The following PREX1 variants were observed in gnomAD, a reference collection of about 807,000 sequenced individuals.
PREX1 encodes the protein phosphatidylinositol-3,4,5-trisphosphate dependent Rac exchange factor 1.
In PREX1, 41 loss-of-function variants were observed where a neutral mutation model predicts 198.3. That is an observed-to-expected ratio of 0.21 (90% CI 0.16 to 0.27). The LOEUF is 0.27. Among genes scored for constraint, PREX1 ranks in the 10% least tolerant of loss-of-function variants. The probability of loss-of-function intolerance (pLI) is 1.00; values close to 1 mark genes in which losing one functional copy is unlikely to be tolerated. For synonymous variants in PREX1, 843 were observed against 887.2 expected, an observed-to-expected ratio of 0.95 and a Z score of 0.89; for missense variants, 1,620 against 2,200.7, an observed-to-expected ratio of 0.74 and a Z score of 5.28.
intron 3 of PREX1, among the ~76,000 whole-genome samples, chr20:48,738,205 G>A (rs919496567): frequency 6.6e-6 from 1 of 152,116 alleles, no homozygotes; most frequent in Non-Finnish European, 1.5e-5. Flanking sequence ...CTGGTGAGGA[G>A]GATTCTGGGG....
At chr20:48,862,790 A>AAAAAATATATAT in the PREX1 span, among the ~76,000 whole-genome samples, 6 of 102,542 alleles carry the variant, frequency 5.9e-5, no homozygotes, top group African/African-American at 1.7e-4. Flanking sequence ...TAAAAAAAAA[A>AAAAAATATATAT]ATATATATAT....
At chr20:48,752,158 G>A (rs943144505) in intron 1 of PREX1, among the ~76,000 whole-genome samples, 2 of 152,154 alleles carry the variant, frequency 1.3e-5, no homozygotes, top group African/African-American at 4.8e-5. Context: ...GTATTAAGTA[G>A]AAAAGGCAGA....
At chr20:48,705,989 G>C (rs543537070) in intron 6 of PREX1, among the ~76,000 whole-genome samples, 1 of 152,278 alleles carries the variant, frequency 6.6e-6, no homozygotes, top group South Asian at 2.1e-4. Flanking sequence ...TGCCTCATCT[G>C]TAAAATGGGG....
intron 1 of PREX1, among the ~76,000 whole-genome samples, chr20:48,749,464 T>C (rs1221349699): frequency 2.0e-5 from 3 of 152,152 alleles, no homozygotes; most frequent in Non-Finnish European, 4.4e-5. Context: ...GGGAGATCTC[T>C]GAGTGCAGGA....
At chr20:48,642,642 C>CA in intron 27 of PREX1, 153 bp from the exon 28 acceptor site, 5 of 642,682 alleles carry the variant, frequency 7.8e-6, no homozygotes, top group Non-Finnish European at 1.1e-5. Context: ...AGCCACAGGG[C>CA]AAATCACCTG....
intron 16 of PREX1, among the ~76,000 whole-genome samples, chr20:48,658,801 A>G (rs549989712): frequency 3.9e-4 from 60 of 152,316 alleles, no homozygotes; most frequent in African/African-American, 1.2e-3. Context: ...GGGGCAGAGA[A>G]GGTGCTATCG....
Position 48,634,714 on chromosome 20 carries a change from G to T in PREX1, c.4229C>A (p.Thr1410Asn). Residue 1410 changes from threonine (T) to asparagine (N), a missense_variant, in exon 33 of 40, where the codon ACC (threonine) becomes AAC (asparagine). Physicochemically the swap from Thr to Asn is moderately conservative, Grantham distance 65 (BLOSUM62 0). This residue lies in a region of PREX1 where 476 missense variants were observed against 603.4 expected (regional missense o/e 0.79). Transcript: ENST00000371941. Reference protein sequence around the residue: ...WVTLSELDNVTFSFKQLDENY... With the variant: ...WVTLSELDNVNFSFKQLDENY... ...CTCGTCCAGCTGCTTAAAGGAGAAG[G>T]TGACATTGTCCAGCTCTGACAGCGT... The T allele has an allele frequency of 1.2e-6, 2 of 1,614,190 alleles. No individual in the cohort carries two copies. The highest frequency in any genetic ancestry group is 1.7e-6 in the Non-Finnish European group (2 of 1,180,030).
intron 1 of PREX1, among the ~76,000 whole-genome samples, chr20:48,760,547 G>A (rs971116009): frequency 6.6e-6 from 1 of 152,062 alleles, no homozygotes; most frequent in African/African-American, 2.4e-5. Context: ...AAGGGGGGGA[G>A]GAGTAGTTGT....
the PREX1 span, among the ~76,000 whole-genome samples, chr20:48,860,484 G>A: frequency 6.6e-6 from 1 of 152,148 alleles, no homozygotes. Context: ...TACTTAACGC[G>A]TCTGAACTGT....
chr20:48,807,874 G>A (rs2090418716), intron 1 of PREX1, among the ~76,000 whole-genome samples: 1 of 152,114 alleles, frequency 6.6e-6, no homozygotes, highest in Non-Finnish European at 1.5e-5. Context: ...GAGCATTCTG[G>A]GCCCAAATGA....
intron 20 of PREX1, among the ~76,000 whole-genome samples, chr20:48,653,096 A>T (rs554128615): frequency 6.6e-6 from 1 of 152,272 alleles, no homozygotes; most frequent in South Asian, 2.1e-4. Context: ...CAACATGCCT[A>T]TGTGGTGAGG....
chr20:48,823,710 G>T (rs976003228), intron 1 of PREX1, among the ~76,000 whole-genome samples: 4 of 152,194 alleles, frequency 2.6e-5, no homozygotes, highest in African/African-American at 7.2e-5. Flanking sequence ...CGCAGGCGGA[G>T]GTGAAACATC....
At chr20:48,689,195 C>A (rs2089803263) in intron 9 of PREX1, among the ~76,000 whole-genome samples, 1 of 152,190 alleles carries the variant, frequency 6.6e-6, no homozygotes. Flanking sequence ...TATCTCCATT[C>A]CAGCCCAGTG....
the PREX1 span, among the ~76,000 whole-genome samples, chr20:48,858,583 T>C: frequency 6.6e-6 from 1 of 152,346 alleles, no homozygotes; most frequent in African/African-American, 2.4e-5. Flanking sequence ...TTATCAGCTC[T>C]GTCCTGGGGT....
At chr20:48,694,015 G>A (rs544672964) in intron 7 of PREX1, among the ~76,000 whole-genome samples, 45 of 152,170 alleles carry the variant, frequency 3.0e-4, no homozygotes, top group South Asian at 2.3e-3. Context: ...AGGTTCAAGC[G>A]ATTCTCCTGC....
intron 4 of PREX1, among the ~76,000 whole-genome samples, 166 bp downstream of exon 4, chr20:48,734,380 C>G (rs2053170508): frequency 6.6e-6 from 1 of 152,196 alleles, no homozygotes; most frequent in Non-Finnish European, 1.5e-5. Context: ...TATTCCCCAG[C>G]TGGCCCTTTA....
chr20:48,816,374 TC>T (rs2090459292), intron 1 of PREX1, among the ~76,000 whole-genome samples: 1 of 152,160 alleles, frequency 6.6e-6, no homozygotes, highest in Admixed American at 6.5e-5. Flanking sequence ...GAGGATCCTT[TC>T]CCATTTCATG....
At chr20:48,752,658 G>A (rs947313660) in intron 1 of PREX1, among the ~76,000 whole-genome samples, 2 of 152,104 alleles carry the variant, frequency 1.3e-5, no homozygotes, top group Non-Finnish European at 2.9e-5. Context: ...AGCTCCGGTG[G>A]CCCCCATGGT....
At position 48,681,678 on chromosome 20, in the gene PREX1, AGATG is replaced by A. The variant is rs376886223; in HGVS notation, c.1335-347_1335-344del. ...CAGGTTGGTGGATGAGTGACTACAT[AGATG>A]GATGGATGGATGGATGGATGGACGG... is the stretch of plus-strand genomic sequence containing the variant. On this transcript the variant is annotated intron_variant, in intron 10 of 39. Transcript: ENST00000371941. 5.3e-3 allele frequency among the ~76,000 whole-genome samples: 794 copies of A among 150,204 alleles called. 6 individuals are homozygous for A. The highest frequency in any genetic ancestry group is 0.019 in the African/African-American group (753 of 40,502).
Sources: allele counts gnomAD v4.1 joint callset (sites outside exome capture counted in the v4.1 genomes callset), GRCh38; gene constraint gnomAD v4.1.1; regional missense constraint gnomAD v4.1.1; transcripts MANE v1.5; gene names NCBI Gene and HGNC (gene_info 2026-07-23, HGNC 2026-07-21).